Variants in MCF2L observed in about 807,000 individuals in gnomAD.
MCF2L encodes the protein guanine nucleotide exchange factor DBS.
In MCF2L, 97 loss-of-function variants were observed where a neutral mutation model predicts 153.4. The ratio of observed to expected loss-of-function variants is 0.63; its 90% CI spans 0.54 to 0.75. The LOEUF is 0.75. Ranked by LOEUF, MCF2L falls within the 30% of genes least tolerant of loss-of-function variation. The pLI is 0.00. For missense variants in MCF2L, 1,347 were observed against 1,495.2 expected (o/e 0.90, Z 1.64); for synonymous variants, 659 against 632.2 (o/e 1.04, Z -0.64).
At chr13:113,034,921 G>GC (rs1336485077) in intron 3 of MCF2L, among the ~76,000 whole-genome samples, 1 of 152,194 alleles carries the variant, frequency 6.6e-6, no homozygotes, top group Non-Finnish European at 1.5e-5. Context: ...AGGAAGGTCT[G>GC]CCCGAGGCAA....
chr13:112,914,093 T>C (rs999861765), intron 2 of MCF2L, among the ~76,000 whole-genome samples: 2 of 152,130 alleles, frequency 1.3e-5, no homozygotes, highest in Non-Finnish European at 2.9e-5. Flanking sequence ...TCCTTCTTTC[T>C]TTTTTGGGTT....
chr13:113,027,695 G>A lies in MCF2L; in HGVS notation c.278+2937G>A, dbSNP rs201449831. Among the ~76,000 whole-genome samples, 4 of 152,200 alleles carry A rather than the reference G, an allele frequency of 2.6e-5. No homozygotes were observed. Among genetic ancestry groups the A allele is most frequent in the East Asian group, 1.9e-4 (1 of 5,188 alleles). On this transcript the variant is annotated intron_variant, in intron 3 of 29. Transcript: ENST00000535094. This position sits in a 1 kb window ranked among gnomAD's most constrained non-coding sequence, Gnocchi z 4.8. ...GGGGCAAGGCTGCGATGCTGCAGAC[G>A]GTTTCCACACATTCCTCCCTGGTTC...
intron 2 of MCF2L, among the ~76,000 whole-genome samples, chr13:112,919,154 G>T (rs1161103606): frequency 6.6e-6 from 1 of 151,126 alleles, no homozygotes; most frequent in Non-Finnish European, 1.5e-5. Flanking sequence ...TAGTTTTTAG[G>T]CATTTTTTCA....
intron 23 of MCF2L, among the ~76,000 whole-genome samples, chr13:113,088,089 G>T (rs1170641610): frequency 6.6e-6 from 1 of 152,222 alleles, no homozygotes; most frequent in African/African-American, 2.4e-5. Context: ...CGATTCTCAC[G>T]GTGGGGAGGG....
Position 113,028,943 on chromosome 13 carries a change from G to A in MCF2L, c.278+4185G>A, listed in dbSNP as rs1345467379. Among the ~76,000 whole-genome samples, 2 of 151,588 alleles carry A rather than the reference G, an allele frequency of 1.3e-5. No individual in the cohort carries two copies. The highest frequency in any genetic ancestry group is 4.9e-5 in the African/African-American group (2 of 41,216). On this transcript the variant is annotated intron_variant, in intron 3 of 29. Coordinates refer to ENST00000535094, the MANE Select transcript of MCF2L (RefSeq NM_001112732.3). This position sits in a 1 kb window ranked among gnomAD's most constrained non-coding sequence, Gnocchi z 5.4. ...GTGGGGTAAGTGGTGTGTGTGGTATGTGTGGACTATGTGAGGCATGTGTGG... is the reference window on the plus strand; with the variant it reads ...GTGGGGTAAGTGGTGTGTGTGGTATATGTGGACTATGTGAGGCATGTGTGG...
At chr13:113,090,191 T>G in intron 26 of MCF2L, 1 of 1,505,652 alleles carries the variant, frequency 6.6e-7, no homozygotes. Context: ...AAACCCACCC[T>G]CACCGTGGTG....
chr13:112,996,468 C>T (rs550817189), intron 1 of MCF2L, among the ~76,000 whole-genome samples: 5 of 152,314 alleles, frequency 3.3e-5, no homozygotes, highest in Non-Finnish European at 4.4e-5. Flanking sequence ...GGGGCTGGGA[C>T]GGGCCAGGCT....
chr13:112,927,834 G>T (rs1594339790), intron 2 of MCF2L, among the ~76,000 whole-genome samples: 1 of 152,098 alleles, frequency 6.6e-6, no homozygotes, highest in Non-Finnish European at 1.5e-5. Context: ...AAATGACCTG[G>T]TTTCTCCAAC....
chr13:113,003,208 G>T (rs920696184), intron 1 of MCF2L, among the ~76,000 whole-genome samples: 1 of 152,170 alleles, frequency 6.6e-6, no homozygotes, highest in African/African-American at 2.4e-5. Context: ...TGGCTGTGGA[G>T]CACTGGGGAA....
chr13:112,950,331 C>T (rs1220656789), intron 2 of MCF2L, among the ~76,000 whole-genome samples: 1 of 152,130 alleles, frequency 6.6e-6, no homozygotes. Context: ...AACAGATGAA[C>T]AGAATTCTTA....
intron 2 of MCF2L, among the ~76,000 whole-genome samples, chr13:112,931,425 T>A (rs148122450): frequency 6.6e-6 from 1 of 152,344 alleles, no homozygotes; most frequent in African/African-American, 2.4e-5. Context: ...TGTCTGCGGA[T>A]GGGAGCTGCT....
chr13:112,948,571 A>G (rs1594370215), intron 2 of MCF2L, among the ~76,000 whole-genome samples: 1 of 152,238 alleles, frequency 6.6e-6, no homozygotes, highest in African/African-American at 2.4e-5. Flanking sequence ...ACAGCATATC[A>G]AAATTTATGG....
intron 1 of MCF2L, chr13:113,009,859 G>A (rs2083963000): frequency 6.6e-6 from 1 of 152,252 alleles, no homozygotes; most frequent in Non-Finnish European, 1.5e-5. Flanking sequence ...CTTTGAAAAG[G>A]CACGACTGTC....
At chr13:113,043,546 T>G (rs1042626122) in intron 3 of MCF2L, 2 of 152,250 alleles carry the variant, frequency 1.3e-5, no homozygotes, top group African/African-American at 4.8e-5. Context: ...CACCTGTTAC[T>G]GGAGGATAAC....
In MCF2L at chr13:113,011,505, T is replaced by A; in HGVS notation, c.80-3258T>A. 1.5e-5 allele frequency among the ~76,000 whole-genome samples: 2 copies of A among 129,298 alleles called. 1 individual carries two copies. The highest frequency in any genetic ancestry group is 6.1e-5 in the African/African-American group (2 of 32,948). The allele number at this position is 129,298 out of a possible 152,430, so 84.8% of individuals were successfully genotyped here. On this transcript the variant is annotated intron_variant, in intron 1 of 29. Coordinates refer to ENST00000535094, the MANE Select transcript of MCF2L (RefSeq NM_001112732.3). ...GGCGGTGTGGATGGTGGACAGGTGG[T>A]GTGGACGGTGGACAGGCTGGGTGGA...
Position 113,088,351 on chromosome 13 carries a change from G to C in MCF2L, c.2713G>C (p.Ala905Pro). ...GGCGCCAACTCCTGAGATTAAAGCC[G>C]CGTGGGTGAATGAAATTCGGAAAGT... Reference protein sequence around the residue: ...VQAPTPEIKAAWVNEIRKVLT... With the variant: ...VQAPTPEIKAPWVNEIRKVLT... Residue 905 changes from alanine to proline, a missense_variant, in exon 24 of 30, where the codon GCG (alanine) becomes CCG (proline). By Grantham distance (27) the Ala-to-Pro change is conservative. Coordinates refer to ENST00000535094, the MANE Select transcript of MCF2L (RefSeq NM_001112732.3). 2 of 1,614,044 alleles carry C rather than the reference G, an allele frequency of 1.2e-6. No individual in the cohort carries two copies. Among genetic ancestry groups the C allele is most frequent in the Non-Finnish European group, 1.7e-6 (2 of 1,180,034 alleles).
At chr13:113,023,604 A>G (rs954834785) in intron 2 of MCF2L, among the ~76,000 whole-genome samples, 2 of 152,136 alleles carry the variant, frequency 1.3e-5, no homozygotes, top group Admixed American at 6.5e-5. Context: ...CGAACCCACC[A>G]TTATCTGTTC....
intron 1 of MCF2L, among the ~76,000 whole-genome samples, chr13:112,987,304 T>G (rs1475155102): frequency 1.5e-4 from 1 of 6,652 alleles, no homozygotes; most frequent in Non-Finnish European, 2.6e-3. Flanking sequence ...GGCGTGCGCC[T>G]GGAGCACACC....
At chr13:112,966,174 C>G (rs2081891416), upstream of MCF2L, 2 of 152,228 alleles carry the variant, frequency 1.3e-5, no homozygotes, top group Admixed American at 1.3e-4. The surrounding 1 kb of genome is among the most constrained non-coding windows in gnomAD (Gnocchi z 4.1). Flanking sequence ...GACAATCGTT[C>G]TTTAGGCAAG....
Sources: gnomAD v4.1 joint callset for allele counts (sites outside exome capture counted in the v4.1 genomes callset) on GRCh38, gnomAD v4.1.1 for gene constraint, Gnocchi (gnomAD v3.1) non-coding constraint, MANE v1.5 for transcripts, NCBI Gene and HGNC (gene_info 2026-07-23, HGNC 2026-07-21) for gene names.